TOGARAM2: variants seen among roughly 807,000 people sequenced by gnomAD.
The protein encoded by TOGARAM2 is TOG array regulator of axonemal microtubules 2.
Under a neutral mutation model 93.3 loss-of-function variants are expected in TOGARAM2, and 85 were observed. The ratio of observed to expected loss-of-function variants is 0.91; its 90% confidence interval spans 0.76 to 1.09. The LOEUF (loss-of-function observed/expected upper bound fraction) is 1.09. TOGARAM2 is among the 50% of genes least tolerant of loss of function. The pLI, the probability that TOGARAM2 is intolerant of heterozygous loss-of-function variation, is 0.00. For synonymous variants in TOGARAM2, 593 were observed against 552.8 expected, an observed-to-expected ratio of 1.07 and a Z score of -1.02; for missense variants, 1,277 against 1,334.5, an observed-to-expected ratio of 0.96 and a Z score of 0.67.
At chr2:29,019,716 A>G (rs998000859) in intron 10 of TOGARAM2, among the ~76,000 whole-genome samples, 5 of 152,184 alleles carry the variant, frequency 3.3e-5, no homozygotes, top group African/African-American at 1.2e-4. Flanking sequence ...AAAAAAAGCC[A>G]ACATTCTCCT....
intron 1 of TOGARAM2, among the ~76,000 whole-genome samples, 167 bp downstream of exon 1, chr2:28,981,705 G>T (rs555749110): frequency 6.6e-6 from 1 of 152,254 alleles, no homozygotes; most frequent in East Asian, 1.9e-4. Flanking sequence ...CTGTGTGACC[G>T]TGGGGATGTC....
chr2:29,026,059 T>C (rs966919423), intron 13 of TOGARAM2, among the ~76,000 whole-genome samples: 11 of 152,138 alleles, frequency 7.2e-5, no homozygotes, highest in African/African-American at 7.2e-5. Context: ...GACAGGCAGG[T>C]GGATGAAAGC....
rs562937887 is a variant in TOGARAM2 at position 28,994,887 on chromosome 2, C to T, written c.28+25C>T. The T allele has an allele frequency of 3.9e-6, 6 of 1,551,714 alleles. No homozygotes were observed. The African/African-American group carries it at 5.5e-5, about 14-fold the overall frequency. The stretch of plus-strand genomic sequence containing the variant: ...GGTAAGGGGCACCATGGGAGGCCTG[C>T]TGCTGGTGTTTTCCAGGCTAGGGGA... On this transcript the variant is annotated intron_variant, in intron 2 of 19. Coordinates refer to ENST00000379558, the MANE Select transcript of TOGARAM2 (RefSeq NM_199280.4).
intron 6 of TOGARAM2, among the ~76,000 whole-genome samples, chr2:29,006,671 C>T (rs1216668575): frequency 2.6e-5 from 4 of 152,140 alleles, no homozygotes; most frequent in African/African-American, 7.2e-5. Context: ...TGTGCACACA[C>T]ATATTCATGT....
chr2:28,966,866 T>G (rs1671874340), intron 1 of TOGARAM2, among the ~76,000 whole-genome samples: 1 of 152,222 alleles, frequency 6.6e-6, no homozygotes, highest in East Asian at 1.9e-4. Flanking sequence ...ATTTTTCATG[T>G]GTATTATGAC....
At chr2:28,968,110 C>T (rs186916670) in intron 1 of TOGARAM2, among the ~76,000 whole-genome samples, 7 of 152,132 alleles carry the variant, frequency 4.6e-5, no homozygotes, top group Non-Finnish European at 7.4e-5. Flanking sequence ...TGAGCCACCA[C>T]GCTGGGCCAA....
At position 29,045,248 on chromosome 2, in the gene TOGARAM2, A is replaced by G. The variant is rs1054376753; in HGVS notation, c.2636-76A>G. 6 of 1,165,644 alleles carry G rather than the reference A, an allele frequency of 5.1e-6. No individual in the cohort carries two copies. The African/African-American group carries it at 6.1e-5, about 12-fold the overall frequency. 72.2% of individuals were successfully genotyped at this position (1,165,644 alleles called of 1,614,324 possible). On this transcript the variant is annotated intron_variant, in intron 18 of 19. Coordinates refer to ENST00000379558, the MANE Select transcript of TOGARAM2 (RefSeq NM_199280.4). ...TCATCCCCTTGCAGGTACTGTGGGTATGTGGCCCTGCAAACCCCTAGTGCT... is the reference window on the plus strand; with the variant it reads ...TCATCCCCTTGCAGGTACTGTGGGTGTGTGGCCCTGCAAACCCCTAGTGCT...
intron 10 of TOGARAM2, among the ~76,000 whole-genome samples, chr2:29,019,735 C>T (rs1279152031): frequency 1.3e-5 from 2 of 152,186 alleles, no homozygotes; most frequent in Admixed American, 6.5e-5. Flanking sequence ...CTCTTACAAC[C>T]ATCCTGGAAG....
chr2:29,051,754 A>G lies in TOGARAM2; in HGVS notation c.2723-2A>G, dbSNP rs1424412005. The G allele has an allele frequency of 3.4e-6, 5 of 1,487,354 alleles. No homozygotes were observed. The East Asian group carries it at 1.0e-4, about 30-fold the overall frequency. 92.1% of individuals were successfully genotyped at this position (1,487,354 alleles called of 1,614,324 possible). ...AAGTGACTCTCCTTTTCTGCCTGAC[A>G]GTGCTGGTGGCCTCAGTTTACCCCC... On this transcript the variant is annotated splice_acceptor_variant, in intron 19 of 19. Transcript: ENST00000379558. LOFTEE classifies it high-confidence loss of function.
Position 29,051,878 on chromosome 2 carries a change from A to G in TOGARAM2, c.2845A>G (p.Ile949Val), listed in dbSNP as rs1667091895. Reference protein sequence around the residue: ...NGTLPGPSGNIRGVVCRLSRS... With the variant: ...NGTLPGPSGNVRGVVCRLSRS... ...CACCCTGCCTGGACCCAGCGGGAAC[A>G]TCCGCGGGGTGGTGTGCCGGCTGTC... is the stretch of plus-strand genomic sequence containing the variant. Residue 949 changes from isoleucine (I) to valine (V), a missense_variant, in exon 20 of 20, where the codon ATC (isoleucine) becomes GTC (valine). Transcript: ENST00000379558. 1 of 1,574,404 alleles carries G rather than the reference A, an allele frequency of 6.4e-7. No individual in the cohort carries two copies. Among genetic ancestry groups the G allele is most frequent in the East Asian group, 2.4e-5 (1 of 42,398 alleles).
chr2:28,970,425 C>T (rs1395365468), intron 1 of TOGARAM2, among the ~76,000 whole-genome samples: 1 of 152,104 alleles, frequency 6.6e-6, no homozygotes, highest in African/African-American at 2.4e-5. Flanking sequence ...GATAAATGAT[C>T]TAATATATAA....
At chr2:28,994,188 A>AG (rs1192474104) in intron 1 of TOGARAM2, among the ~76,000 whole-genome samples, 1 of 152,068 alleles carries the variant, frequency 6.6e-6, no homozygotes, top group African/African-American at 2.4e-5. Flanking sequence ...GCGGTGGCTG[A>AG]GGGGGGTCAC....
chr2:28,967,798 C>CT (rs11417570), intron 1 of TOGARAM2, among the ~76,000 whole-genome samples: 49,910 of 77,986 alleles, frequency 0.64, 17,778 homozygotes, highest in Admixed American at 0.71. Context: ...ATAAGATGGT[C>CT]TTTTTTTTTT....
rs551962664 is a variant in TOGARAM2, at chr2:28,990,935, C to T, written c.-110-3790C>T. On this transcript the variant is annotated intron_variant, in intron 1 of 19. Coordinates refer to ENST00000379558, the MANE Select transcript of TOGARAM2 (RefSeq NM_199280.4). Reference sequence around the variant, plus strand: ...TTATAGGAATGGAGGGCCGGCCTGTCATAACTTTAAAGACAGTGTGGGTGT... The same window carrying T: ...TTATAGGAATGGAGGGCCGGCCTGTTATAACTTTAAAGACAGTGTGGGTGT... 1.3e-4 allele frequency among the ~76,000 whole-genome samples: 19 copies of T among 149,446 alleles called. No individual in the cohort carries two copies. In the South Asian group the frequency reaches 3.4e-3, roughly 27 times the overall value.
In TOGARAM2 at chr2:28,966,049, T is replaced by A. The variant is rs961842965; in HGVS notation, c.-147+9352T>A. ...TTATTTTTTTTTTTTTGAGACAGAG[T>A]CTCCCTCTGCCTCCCAGGCTGGAGT... On this transcript the variant is annotated intron_variant, in intron 1 of 6. Transcript: ENST00000401723. Among the ~76,000 whole-genome samples the A allele has an allele frequency of 1.1e-3, 163 of 151,326 alleles. 2 individuals carry two copies. The highest frequency in any genetic ancestry group is 1.0e-3 in the Non-Finnish European group (68 of 67,832).
chr2:29,004,942 GC>G (rs1558421017), intron 6 of TOGARAM2, among the ~76,000 whole-genome samples: 1 of 135,514 alleles, frequency 7.4e-6, no homozygotes, highest in Non-Finnish European at 1.6e-5. Flanking sequence ...GCATGTGTGT[GC>G]ATGTGTGTGC....
At chr2:29,036,923 G>A (rs1189272110) in intron 18 of TOGARAM2, among the ~76,000 whole-genome samples, 166 bp downstream of exon 18, 1 of 152,142 alleles carries the variant, frequency 6.6e-6, no homozygotes, top group Non-Finnish European at 1.5e-5. Context: ...CTTGGCCAGT[G>A]GGCTTTTCTA....
chr2:28,968,831 A>G (rs1443584644), intron 1 of TOGARAM2, among the ~76,000 whole-genome samples: 1 of 128,998 alleles, frequency 7.8e-6, no homozygotes, highest in Admixed American at 8.2e-5. Flanking sequence ...AAAAAAAAAA[A>G]AAAAAAAAAC....
chr2:28,967,157 C>G (rs1260852994), intron 1 of TOGARAM2, among the ~76,000 whole-genome samples: 1 of 152,080 alleles, frequency 6.6e-6, no homozygotes, highest in African/African-American at 2.4e-5. Flanking sequence ...AATAGATGAT[C>G]AGATTTCAAG....
Sources: allele counts gnomAD v4.1 joint callset (sites outside exome capture counted in the v4.1 genomes callset), GRCh38; gene constraint gnomAD v4.1.1; transcripts MANE v1.5; gene names NCBI Gene and HGNC (gene_info 2026-07-23, HGNC 2026-07-21).